PSD3: variants seen among roughly 807,000 people sequenced by gnomAD.
PSD3 encodes PH and SEC7 domain-containing protein 3.
A neutral mutation model predicts 105.5 loss-of-function variants in PSD3; 49 were observed. The ratio of observed to expected loss-of-function variants is 0.46; its 90% CI spans 0.37 to 0.59. The LOEUF is 0.59. Among genes scored for constraint, PSD3 ranks in the 20% least tolerant of loss-of-function variants. The pLI, the probability that PSD3 is intolerant of heterozygous loss-of-function variation, is 0.00. For missense variants in PSD3, 1,561 were observed against 1,263.8 expected (o/e 1.24, Z -3.57); for synonymous variants, 557 against 457.8 (o/e 1.22, Z -2.77).
At chr8:18,636,085 G>C (rs1315774886) in intron 10 of PSD3, among the ~76,000 whole-genome samples, 1 of 152,120 alleles carries the variant, frequency 6.6e-6, no homozygotes, top group African/African-American at 2.4e-5. Flanking sequence ...TGTTATCATA[G>C]GAGATGACAG....
intron 8 of PSD3, among the ~76,000 whole-genome samples, chr8:18,773,683 G>A (rs963457662): frequency 6.6e-6 from 1 of 152,068 alleles, no homozygotes; most frequent in African/African-American, 2.4e-5. Context: ...GAGAAATCAG[G>A]AGTCCTCCAA....
At position 19,051,904 on chromosome 8, in the gene PSD3, G is replaced by A. The variant is rs527387414; in HGVS notation, c.324+32302C>T. 1.5e-3 allele frequency among the ~76,000 whole-genome samples: 235 copies of A among 152,344 alleles called. 2 individuals carry two copies. The highest frequency in any genetic ancestry group is 0.013 in the Admixed American group (201 of 15,306). On this transcript the variant is annotated intron_variant, in intron 1 of 1. Transcript: ENST00000521475. ...CGTGAAGAAATTCAGAGCACAGGTAGATTAATTAACTCCAGGAAGGAATAG... is the reference window on the plus strand; with the variant it reads ...CGTGAAGAAATTCAGAGCACAGGTAAATTAATTAACTCCAGGAAGGAATAG...
chr8:18,725,729 A>T (rs993963313), intron 9 of PSD3, among the ~76,000 whole-genome samples: 11 of 152,210 alleles, frequency 7.2e-5, no homozygotes, highest in African/African-American at 1.9e-4. Flanking sequence ...AGATGAACAG[A>T]TATCATCTCC....
intron 2 of PSD3, among the ~76,000 whole-genome samples, chr8:18,889,594 C>A (rs928227332): frequency 1.3e-5 from 2 of 152,132 alleles, no homozygotes; most frequent in Non-Finnish European, 2.9e-5. Context: ...AACAAACAAA[C>A]AAACAAACAA....
chr8:18,693,527 G>A (rs543386367), intron 9 of PSD3, among the ~76,000 whole-genome samples: 8 of 152,246 alleles, frequency 5.3e-5, no homozygotes, highest in South Asian at 4.2e-4. Flanking sequence ...CTGCTTTAGC[G>A]GAAATCTTCA....
At chr8:18,639,330 C>A (rs1807481063) in intron 10 of PSD3, among the ~76,000 whole-genome samples, 1 of 151,790 alleles carries the variant, frequency 6.6e-6, no homozygotes, top group African/African-American at 2.4e-5. Context: ...ATGTGAAGTT[C>A]TTTCAGATGG....
chr8:18,794,099 G>A lies in PSD3; in HGVS notation c.2082+5196C>T. Among the ~76,000 whole-genome samples, 2 of 29,440 alleles carry A rather than the reference G, an allele frequency of 6.8e-5. 1 individual carries two copies. The allele number at this position is 29,440 out of a possible 152,430, so 19.3% of individuals were successfully genotyped here. A position where few individuals can be genotyped will look rare whatever the true frequency, so the allele number is the denominator to read the frequency against. ...CCTTACCCCCAACCCTGTGCTCTCT[G>A]AAACGTGTGCTGTGTCAACTCAGAG... On this transcript the variant is annotated intron_variant, in intron 8 of 15. Coordinates refer to ENST00000327040, the MANE Select transcript of PSD3 (RefSeq NM_015310.4).
At chr8:18,720,126 A>C (rs924721764) in intron 9 of PSD3, among the ~76,000 whole-genome samples, 1 of 152,150 alleles carries the variant, frequency 6.6e-6, no homozygotes, top group African/African-American at 2.4e-5. Flanking sequence ...AAACTCATAT[A>C]TGTAGAGAAA....
intron 6 of PSD3, among the ~76,000 whole-genome samples, chr8:18,801,808 A>G (rs574196483): frequency 6.6e-6 from 1 of 152,240 alleles, no homozygotes; most frequent in East Asian, 1.9e-4. Context: ...AGCCTAGGCG[A>G]CAGAGTGAGA....
chr8:18,867,160 G>A (rs772298736), intron 4 of PSD3, among the ~76,000 whole-genome samples: 12 of 152,124 alleles, frequency 7.9e-5, no homozygotes, highest in Non-Finnish European at 1.5e-4. Context: ...CTGTCTAATC[G>A]GATCCTTCCT....
intron 1 of PSD3, among the ~76,000 whole-genome samples, chr8:19,071,024 A>T (rs1431335688): frequency 1.3e-5 from 2 of 151,304 alleles, no homozygotes; most frequent in Non-Finnish European, 2.9e-5. Context: ...TTTTCTCCTG[A>T]TCATTTTTTT....
chr8:18,683,114 C>A (rs533571885), intron 9 of PSD3, among the ~76,000 whole-genome samples: 1 of 152,326 alleles, frequency 6.6e-6, no homozygotes, highest in African/African-American at 2.4e-5. Context: ...TACGTAATCA[C>A]TCCCTTCACA....
At chr8:18,727,637 C>T (rs147718634) in intron 9 of PSD3, among the ~76,000 whole-genome samples, 4 of 152,052 alleles carry the variant, frequency 2.6e-5, no homozygotes, top group Non-Finnish European at 5.9e-5. Flanking sequence ...CACAACCCTC[C>T]CCTACTACAC....
chr8:18,958,919 G>GTTTTTTTTTTTTTTTTTTTTTTT, intron 1 of PSD3, among the ~76,000 whole-genome samples: 1 of 114,998 alleles, frequency 8.7e-6, no homozygotes, highest in Non-Finnish European at 1.9e-5. Context: ...GTTAAGTGGT[G>GTTTTTTTTTTTTTTTTTTTTTTT]TTTTTTTTTT....
intron 1 of PSD3, among the ~76,000 whole-genome samples, chr8:18,940,693 TTGAG>T (rs1259011185): frequency 6.6e-6 from 1 of 152,226 alleles, no homozygotes; most frequent in Non-Finnish European, 1.5e-5. Context: ...CTACTGTTTC[TTGAG>T]TAATGGCACA....
intron 14 of PSD3, among the ~76,000 whole-genome samples, chr8:18,560,198 ACAC>A (rs1801312795): frequency 6.6e-6 from 1 of 151,834 alleles, no homozygotes; most frequent in African/African-American, 2.4e-5. Flanking sequence ...ACACACACAC[ACAC>A]ACACACACAA....
In PSD3 at chr8:18,607,926, C is replaced by G. The variant is rs1804973775; in HGVS notation, c.2411-7492G>C. Among the ~76,000 whole-genome samples the G allele has an allele frequency of 1.3e-5, 2 of 152,082 alleles. 1 individual carries two copies. The highest frequency in any genetic ancestry group is 4.1e-4 in the South Asian group (2 of 4,820). On this transcript the variant is annotated intron_variant, in intron 11 of 15. Coordinates refer to ENST00000327040, the MANE Select transcript of PSD3 (RefSeq NM_015310.4). ...TGCCGAGCAAAAAGGGGAAAAGCCC[C>G]TTATAAAGCCATCAGATCTCAGGAG...
At chr8:18,548,338 T>G (rs894248754) in intron 15 of PSD3, among the ~76,000 whole-genome samples, 2 of 152,204 alleles carry the variant, frequency 1.3e-5, no homozygotes, top group Non-Finnish European at 2.9e-5. Flanking sequence ...TGAAATTGGT[T>G]ACTAGAATAT....
chr8:18,905,575 G>T (rs1819790354), intron 2 of PSD3, among the ~76,000 whole-genome samples: 1 of 152,144 alleles, frequency 6.6e-6, no homozygotes, highest in Admixed American at 6.5e-5. Context: ...ACCCACCTCG[G>T]CCTCCCAAAG....
Sources: allele counts gnomAD v4.1 joint callset (sites outside exome capture counted in the v4.1 genomes callset), GRCh38; gene constraint gnomAD v4.1.1; transcripts MANE v1.5; gene names NCBI Gene and HGNC (gene_info 2026-07-23, HGNC 2026-07-21).